Variants in KLHL1 observed in about 807,000 individuals in gnomAD.
KLHL1 encodes kelch-like protein 1.
In KLHL1, 47 loss-of-function variants were observed where a neutral mutation model predicts 77.7. The observed-to-expected ratio is 0.60, with a 90% CI of 0.48 to 0.77. KLHL1 has a LOEUF of 0.77. Ranked by LOEUF, KLHL1 falls within the 30% of genes least tolerant of loss-of-function variation. The pLI, the probability that KLHL1 is intolerant of heterozygous loss-of-function variation, is 0.00. For synonymous variants in KLHL1, 360 were observed against 325.2 expected (o/e 1.11, Z -1.15); for missense variants, 925 against 910.8 (o/e 1.02, Z -0.20).
Position 69,879,128 on chromosome 13 carries a change from A to G in KLHL1, c.1227+3155T>C, listed in dbSNP as rs899231745. Reference sequence around the variant, plus strand: ...GGAGATACGAGTTGATGGGTGCAGCACGCCAACATGGCACATGTATACATA... The same window carrying G: ...GGAGATACGAGTTGATGGGTGCAGCGCGCCAACATGGCACATGTATACATA... On this transcript the variant is annotated intron_variant, in intron 5 of 10. Coordinates refer to ENST00000377844, the MANE Select transcript of KLHL1 (RefSeq NM_020866.3). 3.3e-5 allele frequency among the ~76,000 whole-genome samples: 5 copies of G among 152,270 alleles called. No individual in the cohort carries two copies. The East Asian group carries it at 9.7e-4, about 29-fold the overall frequency.
intron 4 of KLHL1, among the ~76,000 whole-genome samples, chr13:69,886,386 T>C (rs1178268368): frequency 1.3e-5 from 2 of 151,894 alleles, no homozygotes; most frequent in Non-Finnish European, 2.9e-5. Flanking sequence ...CAGTTTTTTT[T>C]TTGTTTGTTT....
At chr13:69,843,996 T>C (rs1165639560) in intron 5 of KLHL1, among the ~76,000 whole-genome samples, 2 of 151,734 alleles carry the variant, frequency 1.3e-5, no homozygotes, top group East Asian at 3.9e-4. Flanking sequence ...AACTTTTCAA[T>C]TTCTAAGAAA....
intron 7 of KLHL1, among the ~76,000 whole-genome samples, chr13:69,746,769 G>T (rs148170667): frequency 0.012 from 1,870 of 151,994 alleles, 20 homozygotes; most frequent in South Asian, 0.029. Context: ...TCACACAAAT[G>T]AGAGACCACA....
At chr13:70,001,813 C>T (rs547577468) in intron 1 of KLHL1, among the ~76,000 whole-genome samples, 3 of 151,514 alleles carry the variant, frequency 2.0e-5, no homozygotes, top group South Asian at 4.2e-4. Flanking sequence ...AAATGTAGTG[C>T]TCATTAAATT....
intron 7 of KLHL1, among the ~76,000 whole-genome samples, chr13:69,782,930 C>A (rs979249682): frequency 1.3e-5 from 2 of 152,186 alleles, no homozygotes; most frequent in African/African-American, 4.8e-5. Flanking sequence ...CAGACTGACA[C>A]CTCACATGGC....
chr13:69,875,897 T>C (rs1218734102), intron 5 of KLHL1, among the ~76,000 whole-genome samples: 1 of 152,110 alleles, frequency 6.6e-6, no homozygotes, highest in Non-Finnish European at 1.5e-5. Flanking sequence ...TAGAGAAGAC[T>C]ATCTCAATAA....
intron 1 of KLHL1, among the ~76,000 whole-genome samples, chr13:69,977,192 C>G (rs1318987220): frequency 6.6e-6 from 1 of 151,972 alleles, no homozygotes; most frequent in Non-Finnish European, 1.5e-5. Flanking sequence ...AAACTGGACA[C>G]AATGAGAAAA....
intron 1 of KLHL1, among the ~76,000 whole-genome samples, chr13:70,001,916 G>A (rs1034519066): frequency 6.6e-6 from 1 of 151,454 alleles, no homozygotes; most frequent in Admixed American, 6.6e-5. Flanking sequence ...AGCAACAAAG[G>A]ACTGGAAAAC....
intron 7 of KLHL1, among the ~76,000 whole-genome samples, chr13:69,747,130 T>C (rs1355586760): frequency 6.6e-6 from 1 of 152,116 alleles, no homozygotes; most frequent in Non-Finnish European, 1.5e-5. Flanking sequence ...CAGGCTTCCT[T>C]AGTTTCTCTC....
chr13:69,739,267 A>C (rs1381338337), intron 8 of KLHL1, among the ~76,000 whole-genome samples: 1 of 152,206 alleles, frequency 6.6e-6, no homozygotes, highest in Non-Finnish European at 1.5e-5. Flanking sequence ...AAATATGAAA[A>C]GGACGAATTG....
chr13:69,941,082 T>C (rs1416004969), intron 3 of KLHL1, among the ~76,000 whole-genome samples: 3 of 152,020 alleles, frequency 2.0e-5, no homozygotes, highest in Admixed American at 6.6e-5. Context: ...TGTATAACAA[T>C]GAACCTAAAC....
chr13:69,807,166 T>G (rs1877651912), intron 6 of KLHL1, among the ~76,000 whole-genome samples: 1 of 152,186 alleles, frequency 6.6e-6, no homozygotes, highest in African/African-American at 2.4e-5. Context: ...CAATACTCAC[T>G]GCTCTGCAAG....
intron 4 of KLHL1, among the ~76,000 whole-genome samples, chr13:69,907,001 T>C (rs572891892): frequency 4.6e-5 from 7 of 152,134 alleles, no homozygotes; most frequent in African/African-American, 1.2e-4. Flanking sequence ...TTCACATTAA[T>C]AATATTGTCT....
intron 5 of KLHL1, among the ~76,000 whole-genome samples, chr13:69,841,636 T>C (rs1156490814): frequency 1.3e-5 from 2 of 151,856 alleles, no homozygotes; most frequent in Non-Finnish European, 2.9e-5. Context: ...ATTGCTCAAA[T>C]CATTCTATAG....
chr13:69,815,435 A>C (rs546874720), intron 6 of KLHL1, among the ~76,000 whole-genome samples: 72 of 152,280 alleles, frequency 4.7e-4, no homozygotes, highest in African/African-American at 1.6e-3. Context: ...CCATTATCCT[A>C]AGCAAATTAT....
At chr13:69,890,646 GCACA>G (rs146517627) in intron 4 of KLHL1, among the ~76,000 whole-genome samples, 14 of 146,670 alleles carry the variant, frequency 9.5e-5, no homozygotes, top group East Asian at 2.0e-4. Context: ...ACACACACAC[GCACA>G]CACACACACA....
chr13:69,746,543 A>T (rs1874221548), intron 7 of KLHL1, among the ~76,000 whole-genome samples: 1 of 152,022 alleles, frequency 6.6e-6, no homozygotes, highest in South Asian at 2.1e-4. Flanking sequence ...ATTTATACTC[A>T]ATGTAATAAC....
intron 7 of KLHL1, among the ~76,000 whole-genome samples, chr13:69,796,037 AT>A (rs1372003033): frequency 6.6e-6 from 1 of 151,848 alleles, no homozygotes; most frequent in Non-Finnish European, 1.5e-5. Context: ...ATGTTACTTC[AT>A]TTTTCCATAT....
intron 5 of KLHL1, among the ~76,000 whole-genome samples, chr13:69,878,331 G>C (rs1880844995): frequency 6.6e-6 from 1 of 151,590 alleles, no homozygotes; most frequent in Non-Finnish European, 1.5e-5. Context: ...GTTTTGTTAT[G>C]TTTTGGTGAG....
Sources: gnomAD v4.1 joint callset for allele counts (sites outside exome capture counted in the v4.1 genomes callset) on GRCh38, gnomAD v4.1.1 for gene constraint, MANE v1.5 for transcripts, NCBI Gene and HGNC (gene_info 2026-07-23, HGNC 2026-07-21) for gene names.